The following CTNNBIP1 variants were observed in gnomAD, a reference collection of about 807,000 sequenced individuals.
CTNNBIP1 encodes the protein beta-catenin-interacting protein 1.
A neutral mutation model predicts 11.8 loss-of-function variants in CTNNBIP1; 7 were observed. The observed-to-expected ratio is 0.60, with a 90% confidence interval of 0.34 to 1.12. CTNNBIP1 has a LOEUF of 1.12. CTNNBIP1 is among the 50% of genes most tolerant of loss of function. The pLI is 0.03. For synonymous variants in CTNNBIP1, 58 were observed against 43.9 expected, an observed-to-expected ratio of 1.32 and a Z score of -1.26; for missense variants, 101 against 113.4, an observed-to-expected ratio of 0.89 and a Z score of 0.50.
intron 5 of CTNNBIP1, among the ~76,000 whole-genome samples, chr1:9,870,460 C>T (rs1638837973): frequency 6.6e-6 from 1 of 152,232 alleles, no homozygotes; most frequent in Non-Finnish European, 1.5e-5. Context: ...TCCTCAGCCA[C>T]AGGTGTACAT....
At chr1:9,876,369 C>A (rs1638968918) in intron 3 of CTNNBIP1, among the ~76,000 whole-genome samples, 1 of 152,156 alleles carries the variant, frequency 6.6e-6, no homozygotes, top group Non-Finnish European at 1.5e-5. Context: ...GTAATCCCAG[C>A]ACTTTAGGAG....
At chr1:9,899,455 CAAAAAAAAAA>C (rs754593503) in intron 1 of CTNNBIP1, among the ~76,000 whole-genome samples, 1 of 65,696 alleles carries the variant, frequency 1.5e-5, no homozygotes, top group Non-Finnish European at 3.5e-5. Flanking sequence ...GACTCCATCT[CAAAAAAAAAA>C]AAAAAAAAAA....
Position 9,889,297 on chromosome 1 carries a change from G to A in CTNNBIP1, c.-143-5559C>T, listed in dbSNP as rs1373256624. ...CTCAATGGGGGCGATTCTGCCCCAC[G>A]GCAGAAATGTGGCAATATCTAGAGA... On this transcript the variant is annotated intron_variant, in intron 1 of 5. Transcript: ENST00000377263. Among the ~76,000 whole-genome samples, 4 of 152,302 alleles carry A rather than the reference G, an allele frequency of 2.6e-5. No individual in the cohort carries two copies. In the East Asian group the frequency reaches 5.8e-4, roughly 22 times the overall value.
At chr1:9,899,461 A>C (rs1335531553) in intron 1 of CTNNBIP1, among the ~76,000 whole-genome samples, 2 of 116,480 alleles carry the variant, frequency 1.7e-5, no homozygotes, top group East Asian at 6.6e-4. Context: ...ATCTCAAAAA[A>C]AAAAAAAAAA....
intron 5 of CTNNBIP1, among the ~76,000 whole-genome samples, chr1:9,852,372 G>C (rs1211692456): frequency 2.0e-5 from 3 of 152,224 alleles, no homozygotes; most frequent in Non-Finnish European, 4.4e-5. Flanking sequence ...CCCACTGCCA[G>C]CTCGCCTTCA....
At chr1:9,908,261 G>A (rs1639657278) in intron 1 of CTNNBIP1, among the ~76,000 whole-genome samples, 1 of 151,876 alleles carries the variant, frequency 6.6e-6, no homozygotes, top group Admixed American at 6.6e-5. Flanking sequence ...GTTTCACCAT[G>A]TTGGTCAGGA....
In CTNNBIP1 at chr1:9,867,863, G is replaced by A. The variant is rs1638780658; in HGVS notation, c.187+3324C>T. On this transcript the variant is annotated intron_variant, in intron 5 of 5. Coordinates refer to ENST00000377263, the MANE Select transcript of CTNNBIP1 (RefSeq NM_020248.3). The surrounding 1 kb of genome is among the most constrained non-coding windows in gnomAD (Gnocchi z 4.6). The stretch of plus-strand genomic sequence containing the variant: ...ATCAGCTGAGATTGGCTCTGCGATG[G>A]AGAAGGTGGGCAGGTGAGATTTTAA... Among the ~76,000 whole-genome samples, 1 of 152,222 alleles carries A rather than the reference G, an allele frequency of 6.6e-6. No homozygotes were observed. Among genetic ancestry groups the A allele is most frequent in the African/African-American group, 2.4e-5 (1 of 41,456 alleles).
chr1:9,855,415 G>A (rs1202892594), intron 5 of CTNNBIP1, among the ~76,000 whole-genome samples: 3 of 152,096 alleles, frequency 2.0e-5, no homozygotes, highest in Non-Finnish European at 4.4e-5. Flanking sequence ...AACGAGACTG[G>A]GTGGTACTGG....
At chr1:9,860,268 A>G (rs1161064396) in intron 5 of CTNNBIP1, among the ~76,000 whole-genome samples, 2 of 151,992 alleles carry the variant, frequency 1.3e-5, no homozygotes, top group African/African-American at 4.8e-5. Context: ...TCAGTCACAG[A>G]TGGACACTCC....
At chr1:9,879,039 T>C (rs1044104244) in intron 2 of CTNNBIP1, among the ~76,000 whole-genome samples, 1 of 151,878 alleles carries the variant, frequency 6.6e-6, no homozygotes, top group Non-Finnish European at 1.5e-5. Flanking sequence ...CTACTAAAAA[T>C]ACAAAAAATT....
At chr1:9,899,946 T>G (rs957515874) in intron 1 of CTNNBIP1, among the ~76,000 whole-genome samples, 1 of 151,516 alleles carries the variant, frequency 6.6e-6, no homozygotes, top group Non-Finnish European at 1.5e-5. Flanking sequence ...TGGTGGCACA[T>G]GCCTGTAATC....
At chr1:9,884,275 T>C (rs1159867447) in intron 1 of CTNNBIP1, among the ~76,000 whole-genome samples, 1 of 151,744 alleles carries the variant, frequency 6.6e-6, no homozygotes, top group Non-Finnish European at 1.5e-5. Context: ...GAGGGAGAGA[T>C]CAGCCAGCAG....
intron 1 of CTNNBIP1, among the ~76,000 whole-genome samples, chr1:9,888,545 G>A (rs930164803): frequency 6.7e-6 from 1 of 149,916 alleles, no homozygotes; most frequent in Non-Finnish European, 1.5e-5. Context: ...GAGCAAGACT[G>A]CCTCAAAAAA....
rs549691105 is a variant in CTNNBIP1, at chr1:9,867,215, G to A, written c.187+3972C>T. 6.6e-5 allele frequency among the ~76,000 whole-genome samples: 10 copies of A among 152,296 alleles called. No homozygotes were observed. In the South Asian group the frequency reaches 2.1e-3, roughly 32 times the overall value. On this transcript the variant is annotated intron_variant, in intron 5 of 5. Transcript: ENST00000377263. This position sits in a 1 kb window ranked among gnomAD's most constrained non-coding sequence, Gnocchi z 4.6. ...AAGGACAAGGGAGGGAAAGGAGGCT[G>A]TCATTGGTGGTCTCAGCCCAGCAGA...
In CTNNBIP1 at chr1:9,858,503, C is replaced by T. The variant is rs1638557105; in HGVS notation, c.188-7727G>A. Among the ~76,000 whole-genome samples the T allele has an allele frequency of 2.0e-5, 3 of 152,196 alleles. No homozygotes were observed. The South Asian group carries it at 6.2e-4, about 31-fold the overall frequency. ...AAGCACAAGTCCTTACACCCCAGGG[C>T]CTTTGCACCTGCCGCTTCTGTTGCC... On this transcript the variant is annotated intron_variant, in intron 5 of 5. Coordinates refer to ENST00000377263, the MANE Select transcript of CTNNBIP1 (RefSeq NM_020248.3).
intron 3 of CTNNBIP1, among the ~76,000 whole-genome samples, chr1:9,876,909 G>A (rs1638980145): frequency 6.7e-6 from 1 of 149,620 alleles, no homozygotes; most frequent in South Asian, 2.1e-4. Flanking sequence ...CTGCCTCTCT[G>A]TTGAAGGAAG....
At chr1:9,893,983 T>A (rs1479939024) in intron 1 of CTNNBIP1, among the ~76,000 whole-genome samples, 5 of 152,118 alleles carry the variant, frequency 3.3e-5, no homozygotes, top group Admixed American at 1.3e-4. Context: ...TCCAGGACAA[T>A]AACCCAGGAG....
rs545129477 is a variant in CTNNBIP1 at position 9,871,784 on chromosome 1, C to A, written c.96+185G>T. Among the ~76,000 whole-genome samples the A allele has an allele frequency of 3.9e-5, 6 of 152,256 alleles. No individual in the cohort carries two copies. In the South Asian group the frequency reaches 1.2e-3, roughly 32 times the overall value. ...TCGGGTGTCCCCAGAACTTGACGTG[C>A]TGGGCTCTGTGCCTAGGGGGCCAGA... On this transcript the variant is annotated intron_variant, in intron 4 of 5. Transcript: ENST00000377263. This position sits in a 1 kb window ranked among gnomAD's most constrained non-coding sequence, Gnocchi z 5.2.
At chr1:9,878,569 CAT>C (rs1639018592) in intron 2 of CTNNBIP1, among the ~76,000 whole-genome samples, 2 of 152,366 alleles carry the variant, frequency 1.3e-5, no homozygotes, top group South Asian at 2.1e-4. Context: ...AGCCTAGCCA[CAT>C]GTCTACGTGC....
Sources: allele counts gnomAD v4.1 joint callset (sites outside exome capture counted in the v4.1 genomes callset), GRCh38; gene constraint gnomAD v4.1.1; non-coding constraint Gnocchi (gnomAD v3.1); transcripts MANE v1.5; gene names NCBI Gene and HGNC (gene_info 2026-07-23, HGNC 2026-07-21).